WWOX: variants seen among roughly 807,000 people sequenced by gnomAD.
The protein encoded by WWOX is WW domain-containing oxidoreductase.
WWOX carries 69 observed loss-of-function variants against 46.2 expected under a neutral mutation model. The ratio of observed to expected loss-of-function variants is 1.49; its 90% CI spans 1.23 to 1.82. The LOEUF is 1.82. Among genes scored for constraint, WWOX ranks in the 40% most tolerant of loss-of-function variants. The pLI is 0.00. For missense variants in WWOX, 919 were observed against 542.6 expected (o/e 1.69, Z -6.89); for synonymous variants, 359 against 202.6 (o/e 1.77, Z -6.56).
At chr16:78,457,907 C>T (rs1341049132) in intron 8 of WWOX, among the ~76,000 whole-genome samples, 2 of 70,722 alleles carry the variant, frequency 2.8e-5, no homozygotes, top group Admixed American at 2.4e-4. Context: ...GAGACTCTGA[C>T]TCAAAAAAAA....
chr16:78,386,718 T>A lies in WWOX; in HGVS notation c.517-142T>A, dbSNP rs540494454. The A allele has an allele frequency of 2.6e-4, 150 of 571,862 alleles. 1 individual carries two copies. The East Asian group carries it at 7.9e-3, about 30-fold the overall frequency. 35.4% of individuals were successfully genotyped at this position (571,862 alleles called of 1,614,324 possible). ...AGTAAAAGCCCTGTTCTTCCATTCA[T>A]TCCGATGATTTATATTCTCTCTGGG... On this transcript the variant is annotated intron_variant, in intron 5 of 8. Transcript: ENST00000566780.
At chr16:78,624,205 TC>T (rs2046257259) in intron 8 of WWOX, among the ~76,000 whole-genome samples, 2 of 139,518 alleles carry the variant, frequency 1.4e-5, no homozygotes, top group African/African-American at 3.1e-5. Context: ...TATTTTCTAA[TC>T]TTTTTTTTTT....
chr16:78,592,940 C>T (rs1038388360), intron 8 of WWOX, among the ~76,000 whole-genome samples: 2 of 152,126 alleles, frequency 1.3e-5, no homozygotes, highest in African/African-American at 2.4e-5. Flanking sequence ...TTCTAAGAAG[C>T]CCCACCCAAC....
At chr16:78,863,599 C>A (rs981797472) in intron 8 of WWOX, among the ~76,000 whole-genome samples, 1 of 152,132 alleles carries the variant, frequency 6.6e-6, no homozygotes. Context: ...GTGAATCTCC[C>A]AACCATAAGC....
At chr16:78,999,324 G>A (rs1329160521) in intron 8 of WWOX, among the ~76,000 whole-genome samples, 1 of 152,008 alleles carries the variant, frequency 6.6e-6, no homozygotes, top group East Asian at 1.9e-4. Context: ...TACAAAATTA[G>A]CCAGGCGTAG....
At chr16:78,625,479 C>T (rs144306314) in intron 8 of WWOX, among the ~76,000 whole-genome samples, 5 of 152,106 alleles carry the variant, frequency 3.3e-5, no homozygotes, top group African/African-American at 9.6e-5. Flanking sequence ...AAACAGACTT[C>T]GTTAGAACAT....
chr16:79,137,181 C>G (rs1371874966), intron 8 of WWOX, among the ~76,000 whole-genome samples: 1 of 152,192 alleles, frequency 6.6e-6, no homozygotes, highest in Non-Finnish European at 1.5e-5. Context: ...TGCTTCCCTG[C>G]TGGTAATGTG....
intron 8 of WWOX, among the ~76,000 whole-genome samples, chr16:78,718,390 G>A (rs531026183): frequency 5.0e-4 from 76 of 152,254 alleles, no homozygotes; most frequent in African/African-American, 1.6e-3. Context: ...TGTTTTTATA[G>A]TATTTGGAGT....
intron 8 of WWOX, among the ~76,000 whole-genome samples, chr16:79,119,895 T>C (rs563127542): frequency 2.6e-5 from 4 of 152,150 alleles, no homozygotes; most frequent in Non-Finnish European, 5.9e-5. Context: ...GGAGAGAGTT[T>C]AGTGGCAGTG....
rs559171372 is a variant in WWOX at position 78,663,680 on chromosome 16, T to G, written c.1056+230928T>G. On this transcript the variant is annotated intron_variant, in intron 8 of 8. Transcript: ENST00000566780. ...AGGATGTGTCTTGACATGTCTGACA[T>G]CATTTAAATAAAAATAAAGTAGGGA... 3.9e-5 allele frequency among the ~76,000 whole-genome samples: 6 copies of G among 152,336 alleles called. No individual in the cohort carries two copies. The East Asian group carries it at 5.8e-4, about 15-fold the overall frequency.
chr16:79,209,428 G>A (rs2051637453), intron 8 of WWOX, among the ~76,000 whole-genome samples: 2 of 152,156 alleles, frequency 1.3e-5, no homozygotes, highest in Admixed American at 1.3e-4. Flanking sequence ...GGACTGCTTT[G>A]GTCTTTCCTC....
intron 4 of WWOX, among the ~76,000 whole-genome samples, chr16:78,163,470 G>T (rs567107566): frequency 6.6e-6 from 1 of 152,134 alleles, no homozygotes; most frequent in African/African-American, 2.4e-5. Context: ...TTATAAAATT[G>T]CCAAAAGCTC....
intron 8 of WWOX, among the ~76,000 whole-genome samples, chr16:78,638,240 G>C (rs1025168950): frequency 1.3e-5 from 2 of 152,220 alleles, no homozygotes; most frequent in African/African-American, 2.4e-5. Context: ...AAGGCTTGGA[G>C]GGGTTGAATG....
At chr16:78,349,467 C>T (rs1458914761) in intron 5 of WWOX, among the ~76,000 whole-genome samples, 1 of 120,778 alleles carries the variant, frequency 8.3e-6, no homozygotes, top group African/African-American at 2.8e-5. Context: ...CAGAGACCAT[C>T]TGCATCCTTA....
At chr16:78,424,158 G>C (rs1398317315) in intron 6 of WWOX, among the ~76,000 whole-genome samples, 2 of 135,220 alleles carry the variant, frequency 1.5e-5, no homozygotes, top group African/African-American at 5.8e-5. Context: ...TGCTCTGTTG[G>C]TCAGGCTGGA....
chr16:79,184,997 G>A (rs921281724), intron 8 of WWOX, among the ~76,000 whole-genome samples: 5 of 152,186 alleles, frequency 3.3e-5, no homozygotes, highest in African/African-American at 1.2e-4. Flanking sequence ...AAACATTTAT[G>A]CTGTTTATAA....
chr16:78,378,245 G>C (rs986168649), intron 5 of WWOX, among the ~76,000 whole-genome samples: 10 of 152,128 alleles, frequency 6.6e-5, no homozygotes, highest in Non-Finnish European at 1.0e-4. Flanking sequence ...GTGATAAAAT[G>C]TGTCAAGTCA....
At chr16:79,131,571 G>C (rs909807101) in intron 8 of WWOX, among the ~76,000 whole-genome samples, 4 of 152,172 alleles carry the variant, frequency 2.6e-5, no homozygotes, top group African/African-American at 9.7e-5. Flanking sequence ...ATCAACTCTT[G>C]AATGATGGTG....
intron 8 of WWOX, among the ~76,000 whole-genome samples, chr16:78,797,253 G>C (rs1270047613): frequency 1.4e-5 from 2 of 147,988 alleles, no homozygotes; most frequent in African/African-American, 5.0e-5. Flanking sequence ...GGGAAGACAT[G>C]ATCTCAAGTC....
Sources: allele counts gnomAD v4.1 joint callset (sites outside exome capture counted in the v4.1 genomes callset), GRCh38; gene constraint gnomAD v4.1.1; transcripts MANE v1.5; gene names NCBI Gene and HGNC (gene_info 2026-07-23, HGNC 2026-07-21).